Variants in IQCE observed in about 807,000 individuals in gnomAD.
IQCE encodes the protein IQ motif containing E, also known as IQ domain-containing protein E.
IQCE carries 115 observed loss-of-function variants against 96.0 expected under a neutral mutation model. The observed-to-expected ratio is 1.20, with a 90% CI of 1.03 to 1.40. The LOEUF is 1.40. Ranked by LOEUF, IQCE falls within the 40% of genes most tolerant of loss-of-function variation. IQCE has a pLI of 0.00. For missense variants in IQCE, 1,041 were observed against 909.1 expected, an observed-to-expected ratio of 1.15 and a Z score of -1.87; for synonymous variants, 412 against 371.2, an observed-to-expected ratio of 1.11 and a Z score of -1.26.
intron 6 of IQCE, among the ~76,000 whole-genome samples, chr7:2,575,622 G>C (rs1244319828): frequency 6.6e-6 from 1 of 152,230 alleles, no homozygotes; most frequent in Admixed American, 6.5e-5. Context: ...GGGGAGGACT[G>C]TGGTGTTTTC....
At chr7:2,602,641 C>T (rs555840991) in intron 18 of IQCE, among the ~76,000 whole-genome samples, 47 of 152,208 alleles carry the variant, frequency 3.1e-4, no homozygotes, top group Non-Finnish European at 5.4e-4. Context: ...GCCGTCAGGG[C>T]GGGGCTTGAC....
In IQCE at chr7:2,598,562, C is replaced by T; in HGVS notation, c.1538C>T (p.Pro513Leu). Residue 513 changes from proline to leucine, a missense_variant, in exon 17 of 22, where the codon CCC becomes CTC. Pro to Leu is a moderately conservative substitution (Grantham distance 98, BLOSUM62 -3). Coordinates refer to ENST00000402050, the MANE Select transcript of IQCE (RefSeq NM_152558.5). ...GAGGGGCTCCCGCGGCCCCGCTCCC[C>T]CTGCTCTGATGGGAGAAGAGACGCC... ...SEEGLPRPRS[P>L]CSDGRRDAAA... is the part of the protein sequence containing the mutation. The T allele has an allele frequency of 1.9e-6, 3 of 1,610,996 alleles. No individual in the cohort carries two copies. Among genetic ancestry groups the T allele is most frequent in the Non-Finnish European group, 2.5e-6 (3 of 1,178,784 alleles).
intron 17 of IQCE, among the ~76,000 whole-genome samples, chr7:2,600,897 T>C (rs1196861324): frequency 6.6e-6 from 1 of 152,216 alleles, no homozygotes; most frequent in Non-Finnish European, 1.5e-5. Context: ...ATTGTGACGC[T>C]GCGTGTCAGC....
In IQCE at chr7:2,567,165, T is replaced by G. The variant is rs773623285; in HGVS notation, c.84+2T>G. 2.5e-6 allele frequency: 4 copies of G among 1,613,040 alleles called. No individual in the cohort carries two copies. In the African/African-American group the frequency reaches 5.3e-5, roughly 22 times the overall value. On this transcript the variant is annotated splice_donor_variant, in intron 2 of 21. Transcript: ENST00000402050. LOFTEE classifies it high-confidence loss of function. ...ACCTTTGACTCTGATGTGGAGACGG[T>G]GAGTGCCGCTGGGTGTCAGCCGTGC...
chr7:2,574,738 C>T (rs1017755801), intron 6 of IQCE, among the ~76,000 whole-genome samples: 2 of 152,232 alleles, frequency 1.3e-5, no homozygotes, highest in Admixed American at 6.5e-5. Context: ...TCTTTGGTTA[C>T]GGCTGCTCAG....
chr7:2,566,705 A>G (rs772316680), intron 1 of IQCE: 16 of 180,364 alleles, frequency 8.9e-5, no homozygotes, highest in South Asian at 4.4e-4. Context: ...TTTTTAAAAG[A>G]TGACTCTCAC....
chr7:2,604,692 C>T (rs952558703), intron 18 of IQCE, among the ~76,000 whole-genome samples, 189 bp from the exon 19 acceptor site: 8 of 152,204 alleles, frequency 5.3e-5, no homozygotes, highest in Admixed American at 3.3e-4. Context: ...CCTGGGGCGC[C>T]AGTGAGTTTC....
chr7:2,573,841 G>T (rs534244118), intron 6 of IQCE, among the ~76,000 whole-genome samples: 5 of 152,192 alleles, frequency 3.3e-5, no homozygotes, highest in Non-Finnish European at 5.9e-5. Flanking sequence ...TTCCATGCAT[G>T]CCACGCTTTA....
chr7:2,565,107 TGTGA>T (rs1184533053), intron 1 of IQCE, among the ~76,000 whole-genome samples: 2 of 146,926 alleles, frequency 1.4e-5, no homozygotes, highest in East Asian at 3.9e-4. Context: ...CGTGTGTGTG[TGTGA>T]GTGCATGTGT....
chr7:2,568,927 C>G (rs771630447), intron 2 of IQCE, 27 bp from the exon 3 acceptor site: 12 of 1,607,100 alleles, frequency 7.5e-6, no homozygotes, highest in African/African-American at 1.3e-5. Context: ...GCTCAGCAAG[C>G]CTTATGCCAT....
Position 2,576,381 on chromosome 7 carries a change from C to G in IQCE, c.466-1861C>G, listed in dbSNP as rs564233155. Among the ~76,000 whole-genome samples, 6 of 152,226 alleles carry G rather than the reference C, an allele frequency of 3.9e-5. No individual in the cohort carries two copies. In the South Asian group the frequency reaches 1.2e-3, roughly 32 times the overall value. ...AGGATAGTTGTAGAGATTGAATAAA[C>G]TTAGTTTTGTGAGAAATCCACTACA... On this transcript the variant is annotated intron_variant, in intron 6 of 21. Coordinates refer to ENST00000402050, the MANE Select transcript of IQCE (RefSeq NM_152558.5).
intron 8 of IQCE, chr7:2,582,185 C>A (rs1028151376): frequency 2.5e-6 from 1 of 407,770 alleles, no homozygotes; most frequent in Admixed American, 3.5e-5. Flanking sequence ...CCCATGGAGA[C>A]TGAACTGGGC....
intron 6 of IQCE, among the ~76,000 whole-genome samples, chr7:2,577,009 G>A (rs1242984465): frequency 2.6e-5 from 4 of 152,246 alleles, no homozygotes; most frequent in Non-Finnish European, 4.4e-5. Flanking sequence ...GGGTGGGACC[G>A]TTCTTCTCTG....
intron 14 of IQCE, among the ~76,000 whole-genome samples, chr7:2,591,360 G>A (rs961401081): frequency 2.6e-5 from 4 of 152,146 alleles, no homozygotes; most frequent in East Asian, 3.8e-4. Context: ...ACCTGTGGCC[G>A]TGGAACACCC....
At chr7:2,607,960 G>T (rs1038712543) in intron 21 of IQCE, among the ~76,000 whole-genome samples, 1 of 152,204 alleles carries the variant, frequency 6.6e-6, no homozygotes, top group African/African-American at 2.4e-5. Context: ...TTTCACGTGG[G>T]AAGTGTCAGG....
chr7:2,596,315 G>A (rs1210763133), intron 16 of IQCE, among the ~76,000 whole-genome samples: 2 of 137,422 alleles, frequency 1.5e-5, no homozygotes, highest in Non-Finnish European at 3.1e-5. Flanking sequence ...GAAAATAGAG[G>A]AGAGAGAGAG....
At chr7:2,567,625 C>T (rs74973537) in intron 2 of IQCE, among the ~76,000 whole-genome samples, 3,774 of 152,360 alleles carry the variant, frequency 0.025, 159 homozygotes, top group African/African-American at 0.085. Flanking sequence ...ACTATGGCCC[C>T]GGACTGGGCT....
At chr7:2,593,417 C>T (rs1783769608) in intron 15 of IQCE, among the ~76,000 whole-genome samples, 1 of 152,272 alleles carries the variant, frequency 6.6e-6, no homozygotes. Flanking sequence ...GTCAGAACCA[C>T]CCAGGTGTGG....
At position 2,571,613 on chromosome 7, in the gene IQCE, C is replaced by T. The variant is rs1250614257; in HGVS notation, c.218C>T (p.Ser73Phe). The part of the protein sequence containing the change: ...AGSMPLGGRA[S>F]LTPQKLWLGT... ...AGCATGCCTCTGGGCGGCCGAGCGT[C>T]CCTGACCCCGCAGAAGCTGTGGCTG... is the stretch of plus-strand genomic sequence containing the variant. Residue 73 changes from serine (S) to phenylalanine (F), a missense_variant, in exon 4 of 22, where the codon TCC (serine) becomes TTC (phenylalanine). Transcript: ENST00000402050. 6.2e-7 allele frequency: 1 copy of T among 1,601,410 alleles called. No individual in the cohort carries two copies. The highest frequency in any genetic ancestry group is 1.1e-5 in the South Asian group (1 of 91,092).
Sources: gnomAD v4.1 joint callset for allele counts (sites outside exome capture counted in the v4.1 genomes callset) on GRCh38, gnomAD v4.1.1 for gene constraint, MANE v1.5 for transcripts, NCBI Gene and HGNC (gene_info 2026-07-23, HGNC 2026-07-21) for gene names.